The following LRRC4C variants were observed in gnomAD, a reference collection of about 807,000 sequenced individuals.
LRRC4C encodes the protein leucine-rich repeat-containing protein 4C.
LRRC4C carries 5 observed loss-of-function variants against 33.6 expected under a neutral mutation model. That is an observed-to-expected ratio of 0.15 (90% CI 0.08 to 0.31). The LOEUF (loss-of-function observed/expected upper bound fraction) is 0.31, where lower values mean the gene tolerates loss of function less well. Among genes scored for constraint, LRRC4C ranks in the 10% least tolerant of loss-of-function variants. LRRC4C has a pLI of 1.00. For missense variants in LRRC4C, 560 were observed against 796.7 expected, an observed-to-expected ratio of 0.70 and a Z score of 3.58; for synonymous variants, 329 against 302.0, an observed-to-expected ratio of 1.09 and a Z score of -0.93.
intron 1 of LRRC4C, among the ~76,000 whole-genome samples, chr11:41,106,943 T>C (rs1941535220): frequency 6.6e-6 from 1 of 151,654 alleles, no homozygotes; most frequent in African/African-American, 2.4e-5. Context: ...AGTCTAGGAG[T>C]TTGAGAATGC....
chr11:40,589,340 C>T (rs1035050103), intron 3 of LRRC4C, among the ~76,000 whole-genome samples: 8 of 152,018 alleles, frequency 5.3e-5, no homozygotes, highest in African/African-American at 1.9e-4. Flanking sequence ...GTAGATCTTC[C>T]TCCATCCTTT....
At chr11:40,916,163 G>C (rs1399530053) in intron 2 of LRRC4C, among the ~76,000 whole-genome samples, 1 of 152,166 alleles carries the variant, frequency 6.6e-6, no homozygotes, top group Non-Finnish European at 1.5e-5. Context: ...TCTAGAACTA[G>C]AAATACCATT....
intron 3 of LRRC4C, among the ~76,000 whole-genome samples, chr11:40,358,332 G>T (rs949752479): frequency 6.6e-6 from 1 of 152,178 alleles, no homozygotes; most frequent in African/African-American, 2.4e-5. Context: ...CCAGGCTGGA[G>T]TGTAGCGGTG....
intron 2 of LRRC4C, among the ~76,000 whole-genome samples, chr11:40,927,240 G>T (rs1957440860): frequency 1.3e-5 from 2 of 151,876 alleles, no homozygotes; most frequent in Admixed American, 1.3e-4. Context: ...CAGGTGTGGT[G>T]GTGCGCACCT....
intron 1 of LRRC4C, among the ~76,000 whole-genome samples, chr11:41,344,580 G>A (rs1951745709): frequency 8.2e-6 from 1 of 122,558 alleles, no homozygotes; most frequent in African/African-American, 2.7e-5. Context: ...TATAGTGCCT[G>A]TGGTTGGTTT....
intron 3 of LRRC4C, among the ~76,000 whole-genome samples, chr11:40,408,240 A>T (rs142983225): frequency 0.011 from 1,707 of 152,080 alleles, 33 homozygotes; most frequent in African/African-American, 0.039. Context: ...CAATGTTTCA[A>T]ATATAATTTA....
intron 2 of LRRC4C, among the ~76,000 whole-genome samples, chr11:40,807,897 G>T (rs1366745903): frequency 6.6e-6 from 1 of 152,146 alleles, no homozygotes; most frequent in African/African-American, 2.4e-5. Flanking sequence ...CTGCCAGGGT[G>T]CAGTAGCCTA....
chr11:40,415,886 T>C (rs969085908), intron 3 of LRRC4C, among the ~76,000 whole-genome samples: 1 of 152,198 alleles, frequency 6.6e-6, no homozygotes, highest in African/African-American at 2.4e-5. Context: ...TTGCCACTAA[T>C]CTGATGAGAA....
chr11:40,467,838 T>C (rs748492955), intron 3 of LRRC4C, among the ~76,000 whole-genome samples: 3 of 152,228 alleles, frequency 2.0e-5, no homozygotes, highest in African/African-American at 4.8e-5. Flanking sequence ...GCAATACAGA[T>C]AGATCTCCCT....
intron 2 of LRRC4C, among the ~76,000 whole-genome samples, chr11:40,675,375 C>T (rs1565624710): frequency 6.6e-6 from 1 of 152,238 alleles, no homozygotes; most frequent in South Asian, 2.1e-4. Flanking sequence ...CGTTAAGACT[C>T]AGAAAAATTG....
intron 2 of LRRC4C, among the ~76,000 whole-genome samples, chr11:40,678,135 C>CT (rs1310889315): frequency 3.3e-5 from 5 of 149,998 alleles, no homozygotes; most frequent in African/African-American, 7.4e-5. Flanking sequence ...CATCACTTTT[C>CT]TTTTTTTTTC....
At chr11:40,365,342 G>A (rs1387370999) in intron 3 of LRRC4C, among the ~76,000 whole-genome samples, 1 of 152,038 alleles carries the variant, frequency 6.6e-6, no homozygotes, top group African/African-American at 2.4e-5. Flanking sequence ...AAAATATGAA[G>A]TCAGGGGCCT....
At chr11:41,035,281 C>T (rs1026292757) in intron 1 of LRRC4C, among the ~76,000 whole-genome samples, 2 of 151,836 alleles carry the variant, frequency 1.3e-5, no homozygotes, top group African/African-American at 4.8e-5. Context: ...CATAGGTAAA[C>T]ATGTGCCATG....
At chr11:41,212,768 C>G (rs1033853304) in intron 1 of LRRC4C, among the ~76,000 whole-genome samples, 2 of 152,182 alleles carry the variant, frequency 1.3e-5, no homozygotes, top group African/African-American at 4.8e-5. Flanking sequence ...CCATTTATGT[C>G]CCTGCAAAGG....
At chr11:40,738,525 G>T (rs925438160) in intron 2 of LRRC4C, among the ~76,000 whole-genome samples, 11 of 152,146 alleles carry the variant, frequency 7.2e-5, no homozygotes, top group African/African-American at 1.9e-4. Context: ...TTAAGGGAAA[G>T]GTTCAGGACA....
chr11:40,654,244 A>G (rs1942976537), intron 2 of LRRC4C, among the ~76,000 whole-genome samples: 1 of 152,082 alleles, frequency 6.6e-6, no homozygotes, highest in African/African-American at 2.4e-5. Flanking sequence ...CATCCTCCAG[A>G]CCCCAGAATG....
At chr11:40,246,783 C>T (rs1866376023) in intron 4 of LRRC4C, among the ~76,000 whole-genome samples, 1 of 151,936 alleles carries the variant, frequency 6.6e-6, no homozygotes, top group African/African-American at 2.4e-5. Context: ...ACTGATTTAA[C>T]TTTAATCTAA....
chr11:40,160,209 G>C (rs1211202391), intron 5 of LRRC4C, among the ~76,000 whole-genome samples: 1 of 151,476 alleles, frequency 6.6e-6, no homozygotes, highest in Non-Finnish European at 1.5e-5. Flanking sequence ...GTTTTACTAT[G>C]AGTCCCACTT....
At chr11:40,586,618 T>G (rs1295143908) in intron 3 of LRRC4C, among the ~76,000 whole-genome samples, 105 of 147,810 alleles carry the variant, frequency 7.1e-4, no homozygotes, top group African/African-American at 1.7e-3. Flanking sequence ...GTCTAACATT[T>G]AAGTCTTTAA....
Sources: allele counts gnomAD v4.1 joint callset (sites outside exome capture counted in the v4.1 genomes callset), GRCh38; gene constraint gnomAD v4.1.1; transcripts MANE v1.5; gene names NCBI Gene and HGNC (gene_info 2026-07-23, HGNC 2026-07-21).